DHX35: variants seen among roughly 807,000 people sequenced by gnomAD.
DHX35 encodes probable ATP-dependent RNA helicase DHX35.
DHX35 carries 84 observed loss-of-function variants against 99.6 expected under a neutral mutation model. The ratio of observed to expected loss-of-function variants is 0.84; its 90% CI spans 0.71 to 1.01. DHX35 has a LOEUF of 1.01. DHX35 is among the 50% of genes least tolerant of loss of function. DHX35 has a pLI of 0.00. For missense variants in DHX35, 852 were observed against 888.5 expected, an observed-to-expected ratio of 0.96 and a Z score of 0.52; for synonymous variants, 331 against 316.2, an observed-to-expected ratio of 1.05 and a Z score of -0.50.
rs771620346 is a variant in DHX35 at position 39,028,390 on chromosome 20, C to T, written c.1802-28C>T. On this transcript the variant is annotated intron_variant, in intron 18 of 21. Transcript: ENST00000252011. ...GAGCCTAGGGCAGGCAAGGGTTTCA[C>T]CCGCCTCTCTGTTGGCTGCCTATGT... The T allele has an allele frequency of 3.1e-6, 5 of 1,612,810 alleles. No individual in the cohort carries two copies. In the African/African-American group the frequency reaches 4.0e-5, roughly 13 times the overall value.
At chr20:38,984,662 A>G (rs866326988) in intron 4 of DHX35, among the ~76,000 whole-genome samples, 5 of 152,196 alleles carry the variant, frequency 3.3e-5, no homozygotes, top group South Asian at 4.1e-4. Flanking sequence ...AAATTAGCAC[A>G]TGTATTCTTC....
At chr20:39,021,753 T>G (rs924129114) in intron 15 of DHX35, 88 bp from the exon 16 acceptor site, 2 of 1,263,644 alleles carry the variant, frequency 1.6e-6, no homozygotes, top group Non-Finnish European at 2.3e-6. Context: ...TAGTCTTCAG[T>G]GTGGTGCAAG....
At chr20:39,014,577 G>T (rs1013674163) in intron 13 of DHX35, among the ~76,000 whole-genome samples, 1 of 152,122 alleles carries the variant, frequency 6.6e-6, no homozygotes, top group Non-Finnish European at 1.5e-5. Context: ...TCTCAGGAGG[G>T]TTTAAGGAAA....
intron 12 of DHX35, 110 bp from the exon 13 acceptor site, chr20:39,010,156 TGCATCTGCTTCTAG>T (rs2086678118): frequency 1.6e-6 from 2 of 1,254,244 alleles, no homozygotes; most frequent in African/African-American, 3.0e-5. Context: ...TGGTATCATG[TGCATCTGCTTCTAG>T]AATCCTAGAG....
Position 38,977,430 on chromosome 20 carries a change from CT to C in DHX35, c.267+4787del, listed in dbSNP as rs1035473465. Among the ~76,000 whole-genome samples, 4 of 152,012 alleles carry C rather than the reference CT, an allele frequency of 2.6e-5. No homozygotes were observed. The South Asian group carries it at 8.3e-4, about 32-fold the overall frequency. On this transcript the variant is annotated intron_variant, in intron 3 of 21. Transcript: ENST00000252011. ...ATGTCTATTCAGGTCTTTTGCCCATCTTTTTTTTAACTTTATTAAAATACTG... is the reference window on the plus strand; with the variant it reads ...ATGTCTATTCAGGTCTTTTGCCCATCTTTTTTTAACTTTATTAAAATACTG...
chr20:38,994,934 A>G, intron 8 of DHX35, 54 bp downstream of exon 8: 1 of 1,525,540 alleles, frequency 6.6e-7, no homozygotes, highest in South Asian at 1.1e-5. Context: ...TTTGTCCTAT[A>G]TATCCTTGGG....
At chr20:38,987,558 A>G (rs2086269521) in intron 4 of DHX35, among the ~76,000 whole-genome samples, 1 of 152,130 alleles carries the variant, frequency 6.6e-6, no homozygotes, top group Non-Finnish European at 1.5e-5. Context: ...ATTAAACTAA[A>G]TGATATTCAT....
chr20:38,985,439 C>G (rs752979945), intron 4 of DHX35, among the ~76,000 whole-genome samples: 14 of 149,992 alleles, frequency 9.3e-5, no homozygotes, highest in Non-Finnish European at 1.6e-4. Context: ...GTGGCCTTTA[C>G]CTGGACAAAC....
rs755867151 is a variant in DHX35, at chr20:39,025,233, A to G, written c.1675A>G (p.Asn559Asp). 2 of 1,611,862 alleles carry G rather than the reference A, an allele frequency of 1.2e-6. No individual in the cohort carries two copies. Among genetic ancestry groups the G allele is most frequent in the South Asian group, 1.1e-5 (1 of 90,492 alleles). The stretch of plus-strand genomic sequence containing the variant: ...CTCTCTCTGGGTTGTTCTGTAGCAC[A>G]ATAAGGACTCTAAATGGTGTCAGGA... ...LNIYEAFIKH[N>D]KDSKWCQEHF... is the part of the protein sequence containing the mutation. Residue 559 changes from asparagine to aspartate, a missense_variant, in exon 18 of 22, where the codon AAT (asparagine) becomes GAT (aspartate). Physicochemically the swap from Asn to Asp is conservative, Grantham distance 23 (BLOSUM62 1). Transcript: ENST00000252011.
chr20:38,985,677 C>T (rs1034152653), intron 4 of DHX35, among the ~76,000 whole-genome samples: 1 of 152,128 alleles, frequency 6.6e-6, no homozygotes, highest in African/African-American at 2.4e-5. Flanking sequence ...TAAAAGATGA[C>T]TCAGTTACCT....
At chr20:38,966,437 A>G (rs755644128) in intron 1 of DHX35, among the ~76,000 whole-genome samples, 17 of 152,218 alleles carry the variant, frequency 1.1e-4, no homozygotes, top group Non-Finnish European at 1.8e-4. Context: ...CGGGAGGTCG[A>G]GGTGGGTGGA....
intron 1 of DHX35, among the ~76,000 whole-genome samples, chr20:38,966,267 C>A (rs915207293): frequency 8.5e-5 from 13 of 152,186 alleles, no homozygotes; most frequent in African/African-American, 2.9e-4. Flanking sequence ...CATAGGCAGC[C>A]ACAGAGGGGT....
intron 11 of DHX35, among the ~76,000 whole-genome samples, chr20:39,004,242 T>G (rs1004088726): frequency 1.2e-4 from 19 of 152,226 alleles, no homozygotes; most frequent in African/African-American, 4.6e-4. Context: ...TTTTTTTGTA[T>G]TTTTAGTAGA....
At chr20:38,975,853 C>A (rs1194644311) in intron 3 of DHX35, among the ~76,000 whole-genome samples, 1 of 152,164 alleles carries the variant, frequency 6.6e-6, no homozygotes, top group Admixed American at 6.5e-5. Context: ...CAAAAGTGGG[C>A]CTTCTGTTCA....
At chr20:39,019,009 A>G (rs1449926728) in intron 15 of DHX35, 110 bp downstream of exon 15, 8 of 904,010 alleles carry the variant, frequency 8.8e-6, no homozygotes, top group Non-Finnish European at 1.4e-5. Context: ...AAAGAAGTAT[A>G]TATATATCTG....
intron 19 of DHX35, chr20:39,030,016 G>A (rs2087021766): frequency 7.1e-6 from 1 of 140,854 alleles, no homozygotes; most frequent in African/African-American, 2.7e-5. Context: ...TTTCGCTCTT[G>A]TTGCCCATGC....
intron 15 of DHX35, among the ~76,000 whole-genome samples, chr20:39,019,956 T>A (rs540907547): frequency 7.9e-5 from 12 of 152,322 alleles, no homozygotes; most frequent in African/African-American, 2.9e-4. Flanking sequence ...TTGACTTTTT[T>A]AGATTCCATA....
At chr20:38,985,831 A>C (rs1426347860) in intron 4 of DHX35, among the ~76,000 whole-genome samples, 1 of 152,218 alleles carries the variant, frequency 6.6e-6, no homozygotes, top group Non-Finnish European at 1.5e-5. Context: ...TAATATATTA[A>C]TAGAGCTGTC....
chr20:38,984,360 G>A (rs1432580709), intron 4 of DHX35, among the ~76,000 whole-genome samples: 1 of 152,148 alleles, frequency 6.6e-6, no homozygotes, highest in African/African-American at 2.4e-5. Flanking sequence ...TAAACAATGT[G>A]AACATTTGTG....
Sources: gnomAD v4.1 joint callset for allele counts (sites outside exome capture counted in the v4.1 genomes callset) on GRCh38, gnomAD v4.1.1 for gene constraint, MANE v1.5 for transcripts, NCBI Gene and HGNC (gene_info 2026-07-23, HGNC 2026-07-21) for gene names.